Variants in SFMBT1 observed in about 807,000 individuals in gnomAD.
The protein encoded by SFMBT1 is Scm like with four mbt domains 1.
In SFMBT1, 32 loss-of-function variants were observed where a neutral mutation model predicts 108.7. The observed-to-expected ratio is 0.29, with a 90% confidence interval of 0.22 to 0.40. The LOEUF (loss-of-function observed/expected upper bound fraction) is 0.40. SFMBT1 is among the 10% of genes least tolerant of loss of function. The pLI, the probability that SFMBT1 is intolerant of heterozygous loss-of-function variation, is 1.00. For missense variants in SFMBT1, 816 were observed against 1,059.6 expected, an observed-to-expected ratio of 0.77 and a Z score of 3.19; for synonymous variants, 348 against 369.5, an observed-to-expected ratio of 0.94 and a Z score of 0.67.
intron 1 of SFMBT1, among the ~76,000 whole-genome samples, chr3:52,986,792 T>G (rs867927224): frequency 1.0e-4 from 3 of 28,690 alleles, no homozygotes; most frequent in Non-Finnish European, 8.3e-5. Context: ...AAAAAAAAAT[T>G]AGCAGGGTGT....
intron 1 of SFMBT1, among the ~76,000 whole-genome samples, chr3:53,015,726 A>C (rs1186538807): frequency 1.3e-5 from 2 of 152,256 alleles, no homozygotes; most frequent in Non-Finnish European, 2.9e-5. Flanking sequence ...TGTCCACCAT[A>C]GGCAAATCTA....
chr3:52,908,310 G>T (rs1438661766), intron 17 of SFMBT1, among the ~76,000 whole-genome samples: 1 of 151,924 alleles, frequency 6.6e-6, no homozygotes, highest in East Asian at 1.9e-4. Context: ...TTGACCTCAT[G>T]ATCTGCCCGC....
intron 4 of SFMBT1, among the ~76,000 whole-genome samples, chr3:52,935,119 CAA>C (rs1702968676): frequency 6.6e-6 from 1 of 152,172 alleles, no homozygotes. Context: ...GTATACAAAA[CAA>C]AGAGAATAGT....
intron 1 of SFMBT1, among the ~76,000 whole-genome samples, chr3:52,978,242 C>T (rs1704586123): frequency 6.6e-6 from 1 of 151,828 alleles, no homozygotes; most frequent in Non-Finnish European, 1.5e-5. Context: ...AAAGAGCATG[C>T]CAGGCAGAGG....
intron 2 of SFMBT1, among the ~76,000 whole-genome samples, chr3:52,964,653 A>C (rs1335043694): frequency 1.3e-5 from 2 of 151,946 alleles, no homozygotes; most frequent in South Asian, 2.1e-4. Flanking sequence ...ACTTTAAAGA[A>C]AAAAAAAGCT....
intron 1 of SFMBT1, among the ~76,000 whole-genome samples, chr3:53,006,430 A>T (rs1196039171): frequency 6.6e-6 from 1 of 152,094 alleles, no homozygotes; most frequent in African/African-American, 2.4e-5. Context: ...GGAGCTCAAG[A>T]CCAGCCTGAC....
At chr3:52,945,041 CA>C (rs1203773191) in intron 3 of SFMBT1, among the ~76,000 whole-genome samples, 2 of 150,366 alleles carry the variant, frequency 1.3e-5, no homozygotes, top group African/African-American at 4.9e-5. Flanking sequence ...CGATCTCAAG[CA>C]ATCTGCCCAT....
intron 10 of SFMBT1, among the ~76,000 whole-genome samples, chr3:52,923,697 A>G (rs1007999275): frequency 6.6e-6 from 1 of 152,176 alleles, no homozygotes; most frequent in Non-Finnish European, 1.5e-5. Context: ...AAATAAAGCA[A>G]AACGACTAAG....
chr3:53,014,385 G>A lies in SFMBT1; in HGVS notation c.-131+31431C>T, dbSNP rs150418715. Reference sequence around the variant, plus strand: ...TTTGGGAGGCTGAGGCAGGAGAATCGCTTGAGCCCAGGAGGTCAAGTTTAC... The same window carrying A: ...TTTGGGAGGCTGAGGCAGGAGAATCACTTGAGCCCAGGAGGTCAAGTTTAC... On this transcript the variant is annotated intron_variant, in intron 1 of 20. Transcript: ENST00000394752. Among the ~76,000 whole-genome samples the A allele has an allele frequency of 7.3e-3, 1,112 of 152,078 alleles. 17 individuals carry two copies. The highest frequency in any genetic ancestry group is 0.025 in the African/African-American group (1,026 of 41,462).
chr3:52,992,856 T>C (rs1182817925), intron 1 of SFMBT1, among the ~76,000 whole-genome samples: 3 of 152,222 alleles, frequency 2.0e-5, no homozygotes, highest in Non-Finnish European at 4.4e-5. Context: ...GCCTACCTGC[T>C]CCTCAGGGTC....
chr3:52,909,366 T>A lies in SFMBT1; in HGVS notation c.1907-1633A>T, dbSNP rs553657257. ...TTCCTAAACTAAGTGCTGAGTCTGA[T>A]ACAAGAAGCTAAGATAATTCCTACT... On this transcript the variant is annotated intron_variant, in intron 17 of 20. Coordinates refer to ENST00000394752, the MANE Select transcript of SFMBT1 (RefSeq NM_016329.4). Among the ~76,000 whole-genome samples the A allele has an allele frequency of 2.0e-5, 3 of 152,358 alleles. No individual in the cohort carries two copies. The South Asian group carries it at 6.2e-4, about 32-fold the overall frequency.
At chr3:52,981,617 A>T (rs1297594993) in intron 1 of SFMBT1, among the ~76,000 whole-genome samples, 1 of 151,040 alleles carries the variant, frequency 6.6e-6, no homozygotes, top group East Asian at 1.9e-4. Context: ...GGGCTCAAGC[A>T]ATCCTCCCAC....
At chr3:52,945,206 T>A (rs1484365875) in intron 3 of SFMBT1, among the ~76,000 whole-genome samples, 4 of 144,508 alleles carry the variant, frequency 2.8e-5, no homozygotes, top group African/African-American at 1.0e-4. Flanking sequence ...AAAATACAAT[T>A]AGAGCCTGGA....
intron 1 of SFMBT1, among the ~76,000 whole-genome samples, chr3:53,036,460 C>T (rs1699873184): frequency 6.6e-6 from 1 of 152,242 alleles, no homozygotes; most frequent in Non-Finnish European, 1.5e-5. Context: ...CAGGAAAGCT[C>T]CCAGTGGACA....
At chr3:52,906,374 A>G in intron 19 of SFMBT1, 133 bp from the exon 20 acceptor site, 2 of 1,341,470 alleles carry the variant, frequency 1.5e-6, no homozygotes, top group Non-Finnish European at 2.1e-6. Context: ...CTCCCAGCAA[A>G]GATGGCAAAG....
At chr3:53,036,231 G>A (rs537585086) in intron 1 of SFMBT1, among the ~76,000 whole-genome samples, 1 of 152,310 alleles carries the variant, frequency 6.6e-6, no homozygotes, top group Admixed American at 6.5e-5. Flanking sequence ...GGAGAGGGAA[G>A]CAGAGAATGT....
chr3:52,979,549 A>ACATTC, intron 1 of SFMBT1, among the ~76,000 whole-genome samples: 1 of 152,320 alleles, frequency 6.6e-6, no homozygotes, highest in East Asian at 1.9e-4. Flanking sequence ...CCTTCCACCC[A>ACATTC]CATTCCACTA....
In SFMBT1 at chr3:53,002,296, G is replaced by T. The variant is rs574847197; in HGVS notation, c.-130-33038C>A. ...CACCTGTAGTCCCAGCTACTTGGGAGGCTGAGGCAGGAGAATGGCGTGAAC... is the reference window on the plus strand; with the variant it reads ...CACCTGTAGTCCCAGCTACTTGGGATGCTGAGGCAGGAGAATGGCGTGAAC... On this transcript the variant is annotated intron_variant, in intron 1 of 20. Transcript: ENST00000394752. Among the ~76,000 whole-genome samples the T allele has an allele frequency of 2.4e-4, 35 of 148,810 alleles. 2 individuals are homozygous for T. In the South Asian group the frequency reaches 7.3e-3, roughly 31 times the overall value.
intron 3 of SFMBT1, among the ~76,000 whole-genome samples, chr3:52,946,050 C>T (rs939938521): frequency 6.6e-6 from 1 of 152,196 alleles, no homozygotes; most frequent in African/African-American, 2.4e-5. Flanking sequence ...TACAAGTTAA[C>T]TGCAATATCA....
Sources: allele counts gnomAD v4.1 joint callset (sites outside exome capture counted in the v4.1 genomes callset), GRCh38; gene constraint gnomAD v4.1.1; transcripts MANE v1.5; gene names NCBI Gene and HGNC (gene_info 2026-07-23, HGNC 2026-07-21).